The following ANXA4 variants were observed in gnomAD, a reference collection of about 807,000 sequenced individuals.
ANXA4 encodes the protein annexin A4, also known as 35-beta calcimedin.
A neutral mutation model predicts 49.8 loss-of-function variants in ANXA4; 39 were observed. That is an observed-to-expected ratio of 0.78 (90% CI 0.61 to 1.02). The LOEUF is 1.02. ANXA4 is among the 50% of genes least tolerant of loss of function. The probability of loss-of-function intolerance (pLI) is 0.00; values close to 1 mark genes in which losing one functional copy is unlikely to be tolerated. For missense variants in ANXA4, 360 were observed against 410.1 expected, an observed-to-expected ratio of 0.88 and a Z score of 1.05; for synonymous variants, 134 against 152.5, an observed-to-expected ratio of 0.88 and a Z score of 0.89.
chr2:69,782,475 G>A (rs1672237280), intron 2 of ANXA4, among the ~76,000 whole-genome samples: 1 of 152,148 alleles, frequency 6.6e-6, no homozygotes, highest in Non-Finnish European at 1.5e-5. Flanking sequence ...TTTTCTTGCT[G>A]ATTGATTCTC....
intron 2 of ANXA4, among the ~76,000 whole-genome samples, chr2:69,668,578 A>T (rs1677031232): frequency 2.0e-5 from 3 of 152,194 alleles, no homozygotes. Flanking sequence ...CTTTCTCATT[A>T]TATATGTATA....
chr2:69,762,966 T>C (rs913018857), intron 1 of ANXA4, among the ~76,000 whole-genome samples: 2 of 152,206 alleles, frequency 1.3e-5, no homozygotes, highest in Non-Finnish European at 2.9e-5. Flanking sequence ...TAACATTATC[T>C]CATGACCATC....
At chr2:69,698,778 G>A (rs955570283) in intron 2 of ANXA4, among the ~76,000 whole-genome samples, 9 of 152,272 alleles carry the variant, frequency 5.9e-5, no homozygotes, top group African/African-American at 1.9e-4. Context: ...GCGCTACCAA[G>A]CTTTGTCTCT....
intron 2 of ANXA4, among the ~76,000 whole-genome samples, chr2:69,694,266 G>A (rs1006266299): frequency 3.9e-5 from 6 of 152,078 alleles, no homozygotes; most frequent in Admixed American, 1.3e-4. Flanking sequence ...ATGTGAGAAC[G>A]CAGCAGGAAG....
intron 1 of ANXA4, among the ~76,000 whole-genome samples, chr2:69,744,083 G>C (rs573094942): frequency 6.6e-6 from 1 of 152,258 alleles, no homozygotes; most frequent in East Asian, 1.9e-4. Flanking sequence ...GGGAGTACCT[G>C]AAGTTCCAGA....
intron 3 of ANXA4, among the ~76,000 whole-genome samples, chr2:69,802,321 T>C (rs1425189400): frequency 6.6e-6 from 1 of 152,098 alleles, no homozygotes; most frequent in Non-Finnish European, 1.5e-5. Flanking sequence ...ATGGTTGTGA[T>C]AGGAAATAAA....
chr2:69,813,249 AT>A (rs34973123), intron 8 of ANXA4, among the ~76,000 whole-genome samples: 19,826 of 142,506 alleles, frequency 0.14, 3,381 homozygotes, highest in African/African-American at 0.39. Context: ...CTGTTCTAAA[AT>A]TTTTTTTTTT....
chr2:69,698,190 A>G (rs866025519), intron 2 of ANXA4, among the ~76,000 whole-genome samples: 8 of 152,312 alleles, frequency 5.3e-5, no homozygotes, highest in Non-Finnish European at 8.8e-5. Context: ...AGTCTCTCTC[A>G]TACGAGCACT....
At chr2:69,784,500 T>C (rs991033759) in intron 2 of ANXA4, among the ~76,000 whole-genome samples, 4 of 152,234 alleles carry the variant, frequency 2.6e-5, no homozygotes, top group African/African-American at 7.2e-5. Context: ...CCAACAGCCA[T>C]GTTGGAATTC....
intron 2 of ANXA4, among the ~76,000 whole-genome samples, chr2:69,712,531 A>G (rs914462123): frequency 5.9e-5 from 9 of 152,214 alleles, no homozygotes; most frequent in Admixed American, 5.2e-4. Context: ...CAACCATCTC[A>G]GTAATGATCC....
chr2:69,753,452 G>A (rs1031832438), intron 1 of ANXA4, among the ~76,000 whole-genome samples: 1 of 152,178 alleles, frequency 6.6e-6, no homozygotes, highest in Non-Finnish European at 1.5e-5. Flanking sequence ...TGACTTTTGT[G>A]TACTTTTGAA....
In ANXA4 at chr2:69,718,679, A is replaced by G. The variant is rs552794171; in HGVS notation, n.767-2095A>G. On this transcript the variant is annotated intron_variant and non_coding_transcript_variant, in intron 2 of 3. Coordinates refer to the ANXA4 transcript ENST00000418066. ...CACATGCATACACAAACATGTACAC[A>G]CGTATACACATGCATGCATGCACAT... 4.4e-3 allele frequency among the ~76,000 whole-genome samples: 669 copies of G among 152,278 alleles called. 4 individuals carry two copies. The highest frequency in any genetic ancestry group is 0.015 in the African/African-American group (644 of 41,550).
At chr2:69,781,006 C>T (rs1001143218) in intron 1 of ANXA4, among the ~76,000 whole-genome samples, 7 of 152,090 alleles carry the variant, frequency 4.6e-5, no homozygotes, top group East Asian at 3.9e-4. Flanking sequence ...AGAATGGTGG[C>T]GGTGAAAATC....
intron 3 of ANXA4, among the ~76,000 whole-genome samples, chr2:69,726,217 T>C (rs1448161959): frequency 1.3e-5 from 2 of 152,118 alleles, no homozygotes; most frequent in Non-Finnish European, 2.9e-5. Flanking sequence ...AAGTGGCACT[T>C]CCCCCCTCAC....
chr2:69,787,483 T>C (rs902696610), intron 2 of ANXA4, among the ~76,000 whole-genome samples: 3 of 152,352 alleles, frequency 2.0e-5, no homozygotes, highest in Non-Finnish European at 4.4e-5. Flanking sequence ...CATTCTCCTT[T>C]CTCCTGTTTA....
chr2:69,755,444 A>G (rs776729589), intron 1 of ANXA4, among the ~76,000 whole-genome samples: 19 of 152,162 alleles, frequency 1.2e-4, no homozygotes, highest in Non-Finnish European at 2.1e-4. Context: ...ACATGGTGAA[A>G]CCCTGTCCCT....
At chr2:69,777,825 G>C (rs1672022435) in intron 1 of ANXA4, among the ~76,000 whole-genome samples, 1 of 152,184 alleles carries the variant, frequency 6.6e-6, no homozygotes, top group African/African-American at 2.4e-5. Flanking sequence ...GCCCTGCCCA[G>C]GCCAGCTTCT....
intron 2 of ANXA4, among the ~76,000 whole-genome samples, chr2:69,787,386 T>A (rs970660123): frequency 3.9e-5 from 6 of 152,170 alleles, no homozygotes; most frequent in South Asian, 2.1e-4. Flanking sequence ...TCCTTGCAAT[T>A]TATTTGTCGA....
chr2:69,786,528 C>A (rs1360106971), intron 2 of ANXA4, among the ~76,000 whole-genome samples: 1 of 152,212 alleles, frequency 6.6e-6, no homozygotes, highest in African/African-American at 2.4e-5. Flanking sequence ...AATACAAACT[C>A]CTTACCTGGT....
Sources: gnomAD v4.1 joint callset for allele counts (sites outside exome capture counted in the v4.1 genomes callset) on GRCh38, gnomAD v4.1.1 for gene constraint, MANE v1.5 for transcripts, NCBI Gene and HGNC (gene_info 2026-07-23, HGNC 2026-07-21) for gene names.